Variants in RUVBL1 observed in about 807,000 individuals in gnomAD.
RUVBL1 encodes the protein RuvB like AAA ATPase 1.
Under a neutral mutation model 52.4 loss-of-function variants are expected in RUVBL1, and 4 were observed. The observed-to-expected ratio is 0.08, with a 90% CI of 0.04 to 0.17. The LOEUF (loss-of-function observed/expected upper bound fraction) is 0.17. Among genes scored for constraint, RUVBL1 ranks in the 10% least tolerant of loss-of-function variants. RUVBL1 has a pLI of 1.00. For synonymous variants in RUVBL1, 217 were observed against 214.4 expected (o/e 1.01, Z -0.10); for missense variants, 298 against 572.8 (o/e 0.52, Z 4.90).
At chr3:128,151,076 AT>A (rs1353788778) in intron 1 of RUVBL1, among the ~76,000 whole-genome samples, 2 of 111,078 alleles carry the variant, frequency 1.8e-5, no homozygotes, top group Admixed American at 1.3e-4. Context: ...TTCTCTATAT[AT>A]TCTCTATATA....
At chr3:128,121,468 C>T (rs1360888886) in intron 1 of RUVBL1, among the ~76,000 whole-genome samples, 6 of 150,734 alleles carry the variant, frequency 4.0e-5, no homozygotes, top group South Asian at 4.2e-4. Context: ...CCCAGCACTT[C>T]GGGAGGCCGA....
intron 1 of RUVBL1, among the ~76,000 whole-genome samples, chr3:128,147,634 G>A (rs947965547): frequency 1.4e-4 from 21 of 152,136 alleles, no homozygotes; most frequent in Admixed American, 9.8e-4. Context: ...CTGAGCAAGC[G>A]AAACTCTTAT....
At chr3:128,101,682 C>T (rs1399295830) in intron 4 of RUVBL1, 34 bp from the exon 5 acceptor site, 16 of 1,592,444 alleles carry the variant, frequency 1.0e-5, no homozygotes, top group African/African-American at 2.7e-5. Flanking sequence ...AAGTGTAATA[C>T]ATATTCCATT....
chr3:128,126,584 T>C (rs1943796823), upstream of RUVBL1, among the ~76,000 whole-genome samples: 1 of 151,628 alleles, frequency 6.6e-6, no homozygotes. Flanking sequence ...CCTAGCATTC[T>C]CATTTTACAT....
At chr3:128,126,160 G>A (rs75712095), upstream of RUVBL1, among the ~76,000 whole-genome samples, 2,041 of 151,982 alleles carry the variant, frequency 0.013, 52 homozygotes, top group African/African-American at 0.046. Flanking sequence ...GAGAGTGTAG[G>A]ATACCAGCTC....
rs72986233 is a variant in RUVBL1 at position 128,094,046 on chromosome 3, G to A, written c.1016+3254C>T. ...AGGGGCATGAAATCAGCTTCCAAGA[G>A]GGCAATACTCTAGGGCTGGCCTGGG... is the stretch of plus-strand genomic sequence containing the variant. On this transcript the variant is annotated intron_variant, in intron 8 of 10. Transcript: ENST00000322623. Among the ~76,000 whole-genome samples the A allele has an allele frequency of 4.1e-3, 619 of 152,266 alleles. 7 individuals are homozygous for A. The highest frequency in any genetic ancestry group is 0.02 in the Middle Eastern group (6 of 294).
upstream of RUVBL1, chr3:128,123,999 AG>A (rs2107723469): frequency 3.8e-6 from 3 of 781,312 alleles, no homozygotes; most frequent in South Asian, 1.2e-4. Context: ...TGGGGTCGGG[AG>A]CACAGTGGGA....
chr3:128,144,646 G>C (rs1944076870), intron 1 of RUVBL1, among the ~76,000 whole-genome samples: 1 of 152,226 alleles, frequency 6.6e-6, no homozygotes, highest in Non-Finnish European at 1.5e-5. Flanking sequence ...GATATGCAAG[G>C]TGAGGCCCTT....
At chr3:128,072,642 C>T (rs1055679127) in intron 9 of RUVBL1, among the ~76,000 whole-genome samples, 2 of 152,196 alleles carry the variant, frequency 1.3e-5, no homozygotes, top group African/African-American at 4.8e-5. Context: ...GAGCACAGCA[C>T]GTGGCCTCAG....
intron 2 of RUVBL1, 40 bp downstream of exon 2, chr3:128,119,288 T>G: frequency 1.3e-6 from 2 of 1,527,662 alleles, no homozygotes; most frequent in Non-Finnish European, 9.1e-7. Flanking sequence ...ACTAGGATCA[T>G]TCTCCTGGGT....
rs149107279 is a variant in RUVBL1, at chr3:128,066,579, C to G, written c.940-1359G>C. On this transcript the variant is annotated intron_variant, in intron 9 of 9. Transcript: ENST00000464873. ...CTGGGACTACAGGCGCGCACCACCA[C>G]ACCCGGCCAGTTTTGTTTATTTTTT... 3.2e-3 allele frequency: 719 copies of G among 227,526 alleles called. 15 individuals carry two copies. Among genetic ancestry groups the G allele is most frequent in the Non-Finnish European group, 1.0e-3 (117 of 115,186 alleles). 14.1% of individuals were successfully genotyped at this position (227,526 alleles called of 1,614,324 possible).
At chr3:128,069,509 G>C (rs768187019) in intron 9 of RUVBL1, 1 of 1,613,428 alleles carries the variant, frequency 6.2e-7, no homozygotes, top group East Asian at 2.2e-5. Context: ...TTGGTGGGCT[G>C]TGCATCGGGG....
At chr3:128,098,795 G>A (rs1943047796) in intron 7 of RUVBL1, 87 bp downstream of exon 7, 3 of 1,094,740 alleles carry the variant, frequency 2.7e-6, no homozygotes, top group Non-Finnish European at 4.2e-6. Context: ...TCCTCAGGGC[G>A]ACTGTGCTCA....
At chr3:128,075,811 C>G (rs67786346), downstream of RUVBL1, 35,222 of 152,298 alleles carry the variant, frequency 0.23, 4,148 homozygotes, top group South Asian at 0.27. Context: ...GGCCCTGGAA[C>G]GCTGTGGTTT....
At chr3:128,142,785 CTT>C (rs1417118278) in intron 1 of RUVBL1, among the ~76,000 whole-genome samples, 3 of 151,128 alleles carry the variant, frequency 2.0e-5, no homozygotes, top group Non-Finnish European at 4.4e-5. Flanking sequence ...TGCCTCTCTC[CTT>C]TTTTTGTTTT....
rs774524853 is a variant in RUVBL1 at position 128,119,421 on chromosome 3, ACC to A, written c.142-9_142-8del. On this transcript the variant is annotated splice_polypyrimidine_tract_variant and splice_region_variant and intron_variant, in intron 1 of 10. Coordinates refer to ENST00000322623, the MANE Select transcript of RUVBL1 (RefSeq NM_003707.3). Reference sequence around the variant, plus strand: ...CTACTATGACGCCACATGCCTACACACCACAATGGAAAGAAATAATAAATCAA... The same window carrying A: ...CTACTATGACGCCACATGCCTACACAACAATGGAAAGAAATAATAAATCAA... The A allele has an allele frequency of 1.2e-6, 2 of 1,603,146 alleles. No individual in the cohort carries two copies. The highest frequency in any genetic ancestry group is 3.4e-5 in the Admixed American group (2 of 59,328).
At chr3:128,068,739 C>T (rs1942061561) in intron 9 of RUVBL1, 1 of 152,870 alleles carries the variant, frequency 6.5e-6, no homozygotes, top group Admixed American at 6.5e-5. Flanking sequence ...GTCCAGGTGA[C>T]CTTAGATGCT....
At chr3:128,089,066 T>C (rs534913243) in intron 8 of RUVBL1, among the ~76,000 whole-genome samples, 11 of 152,374 alleles carry the variant, frequency 7.2e-5, no homozygotes, top group Admixed American at 7.2e-4. Context: ...TATTTTGCTA[T>C]TTCAACAGTT....
intron 1 of RUVBL1, among the ~76,000 whole-genome samples, chr3:128,144,626 G>C (rs1403036355): frequency 6.6e-6 from 1 of 152,192 alleles, no homozygotes; most frequent in Admixed American, 6.5e-5. Context: ...CCAGGCCCAG[G>C]GCTATCAAAG....
Sources: allele counts gnomAD v4.1 joint callset (sites outside exome capture counted in the v4.1 genomes callset), GRCh38; gene constraint gnomAD v4.1.1; transcripts MANE v1.5; gene names NCBI Gene and HGNC (gene_info 2026-07-23, HGNC 2026-07-21).